Variants in TFEC observed in about 807,000 individuals in gnomAD.
TFEC encodes the protein transcription factor EC, also known as class E basic helix-loop-helix protein 34.
In TFEC, 31 loss-of-function variants were observed where a neutral mutation model predicts 41.6. That is an observed-to-expected ratio of 0.74 (90% CI 0.56 to 1.01). The LOEUF is 1.01. Among genes scored for constraint, TFEC ranks in the 50% least tolerant of loss-of-function variants. The probability of loss-of-function intolerance (pLI) is 0.00; values close to 1 mark genes in which losing one functional copy is unlikely to be tolerated. For missense variants in TFEC, 402 were observed against 404.1 expected, an observed-to-expected ratio of 0.99 and a Z score of 0.04; for synonymous variants, 143 against 140.6, an observed-to-expected ratio of 1.02 and a Z score of -0.12.
chr7:116,101,039 A>G (rs1259188391), intron 3 of TFEC, among the ~76,000 whole-genome samples: 2 of 152,202 alleles, frequency 1.3e-5, no homozygotes, highest in African/African-American at 4.8e-5. Flanking sequence ...TCTTTAAATA[A>G]GAATGAGTTG....
At position 116,129,085 on chromosome 7, in the gene TFEC, T is replaced by C. The variant is rs369644602; in HGVS notation, c.-68-17047A>G. Among the ~76,000 whole-genome samples, 79 of 152,148 alleles carry C rather than the reference T, an allele frequency of 5.2e-4. 1 individual carries two copies. The South Asian group carries it at 0.011, about 22-fold the overall frequency. On this transcript the variant is annotated intron_variant, in intron 1 of 8. Transcript: ENST00000484212. The stretch of plus-strand genomic sequence containing the variant: ...TCTAAGTTAAAACCAGTCAGAAAGG[T>C]TGAAATTAAGGTAAAGACCAATAAA...
intron 3 of TFEC, chr7:116,110,614 C>A: frequency 1.1e-6 from 1 of 949,016 alleles, no homozygotes; most frequent in Non-Finnish European, 1.4e-6. Flanking sequence ...TTTTTTCCTT[C>A]AATTTTTTGA....
intron 1 of TFEC, among the ~76,000 whole-genome samples, chr7:116,139,505 T>C (rs1798498467): frequency 6.6e-6 from 1 of 152,178 alleles, no homozygotes; most frequent in Non-Finnish European, 1.5e-5. Flanking sequence ...TAGAATTTTA[T>C]TGTTATTATT....
At chr7:116,111,051 C>A in intron 2 of TFEC, 1 of 451,870 alleles carries the variant, frequency 2.2e-6, no homozygotes, top group Non-Finnish European at 3.7e-6. Flanking sequence ...AAATAGAAAA[C>A]AAACTCATTA....
chr7:115,995,266 G>A (rs10258665), intron 1 of TFEC, among the ~76,000 whole-genome samples: 19,093 of 151,114 alleles, frequency 0.13, 1,306 homozygotes, highest in Middle Eastern at 0.18. Flanking sequence ...AATGGGTGCC[G>A]CACACCAACA....
intron 3 of TFEC, among the ~76,000 whole-genome samples, chr7:115,966,499 G>A (rs1200869414): frequency 6.6e-6 from 1 of 151,560 alleles, no homozygotes; most frequent in African/African-American, 2.4e-5. Flanking sequence ...TATATCTCAA[G>A]TAATCTTTAC....
intron 6 of TFEC, among the ~76,000 whole-genome samples, chr7:115,944,671 C>T (rs1166904730): frequency 6.6e-6 from 1 of 151,566 alleles, no homozygotes; most frequent in Admixed American, 6.6e-5. Context: ...AAAGGCCAAC[C>T]ATGCCACAAT....
chr7:115,966,460 G>T (rs555898657), intron 3 of TFEC, among the ~76,000 whole-genome samples: 4 of 151,784 alleles, frequency 2.6e-5, no homozygotes, highest in Admixed American at 6.6e-5. Flanking sequence ...ACTAAACCAA[G>T]CATATTTCAT....
chr7:116,119,245 T>C (rs955702065), intron 1 of TFEC, among the ~76,000 whole-genome samples: 10 of 151,854 alleles, frequency 6.6e-5, no homozygotes, highest in African/African-American at 2.4e-4. Flanking sequence ...AAGTGGTATA[T>C]TTAACCCAGA....
intron 2 of TFEC, among the ~76,000 whole-genome samples, chr7:115,975,676 C>T (rs1793346389): frequency 1.3e-5 from 2 of 151,992 alleles, no homozygotes; most frequent in African/African-American, 4.8e-5. Flanking sequence ...AAATAGTGGG[C>T]TGAGGAAATT....
At chr7:116,016,922 T>C (rs528467669) in intron 1 of TFEC, among the ~76,000 whole-genome samples, 9 of 152,206 alleles carry the variant, frequency 5.9e-5, no homozygotes, top group South Asian at 4.1e-4. Context: ...TGCTACTCCT[T>C]AGTCTTGTCC....
chr7:116,106,918 A>G (rs528324524), intron 3 of TFEC, among the ~76,000 whole-genome samples: 2 of 152,320 alleles, frequency 1.3e-5, no homozygotes, highest in Non-Finnish European at 2.9e-5. Context: ...TTTTAATTGC[A>G]TAGGCTGATC....
chr7:115,977,658 A>G (rs1398410868), intron 2 of TFEC, among the ~76,000 whole-genome samples: 1 of 152,080 alleles, frequency 6.6e-6, no homozygotes, highest in African/African-American at 2.4e-5. Flanking sequence ...AAGAATGAGT[A>G]AAGAACAGTA....
chr7:116,038,219 GCATA>G (rs1481681893), intron 3 of TFEC, among the ~76,000 whole-genome samples: 1 of 151,790 alleles, frequency 6.6e-6, no homozygotes, highest in Non-Finnish European at 1.5e-5. Context: ...TTTAATCTTG[GCATA>G]CACTAGAGTA....
intron 3 of TFEC, among the ~76,000 whole-genome samples, chr7:116,098,887 G>GAAGGAAGC (rs1797536521): frequency 7.0e-6 from 1 of 143,150 alleles, no homozygotes; most frequent in African/African-American, 2.9e-5. Context: ...AGGAAGGAAG[G>GAAGGAAGC]AAGGAAGGAA....
intron 1 of TFEC, among the ~76,000 whole-genome samples, chr7:116,128,072 C>T (rs780833163): frequency 6.6e-6 from 1 of 152,150 alleles, no homozygotes; most frequent in Non-Finnish European, 1.5e-5. Flanking sequence ...TTCTATTGCA[C>T]AAACTAACAT....
At chr7:116,155,148 C>T (rs549255322) in intron 1 of TFEC, among the ~76,000 whole-genome samples, 1 of 152,316 alleles carries the variant, frequency 6.6e-6, no homozygotes. Flanking sequence ...TTCTGTTTCC[C>T]TGACTGAAAC....
chr7:115,937,437 A>C lies in TFEC; in HGVS notation c.*3114T>G, dbSNP rs1434052793. 3 of 151,730 alleles carry C rather than the reference A, an allele frequency of 2.0e-5. No individual in the cohort carries two copies. Among genetic ancestry groups the C allele is most frequent in the African/African-American group, 7.2e-5 (3 of 41,420 alleles). 9.4% of individuals were successfully genotyped at this position (151,730 alleles called of 1,614,324 possible). A position where few individuals can be genotyped will look rare whatever the true frequency, so the allele number is the denominator to read the frequency against. ...TTTCTAGAAGTCTATCTTGTTTCTT[A>C]GATACTCAAATAATTTGCTTTTAAA... On this transcript the variant is annotated 3_prime_UTR_variant, in exon 8 of 8. Coordinates refer to ENST00000265440, the MANE Select transcript of TFEC (RefSeq NM_012252.4).
chr7:115,987,114 C>A (rs1793894302), intron 1 of TFEC, among the ~76,000 whole-genome samples: 1 of 152,054 alleles, frequency 6.6e-6, no homozygotes, highest in African/African-American at 2.4e-5. Context: ...TCTAATTCTC[C>A]CGAAATTATT....
Sources: allele counts gnomAD v4.1 joint callset (sites outside exome capture counted in the v4.1 genomes callset), GRCh38; gene constraint gnomAD v4.1.1; transcripts MANE v1.5; gene names NCBI Gene and HGNC (gene_info 2026-07-23, HGNC 2026-07-21).